Variants in SLC35F3 observed in about 807,000 individuals in gnomAD.
SLC35F3 encodes solute carrier family 35 member F3, also known as putative thiamine transporter SLC35F3.
Under a neutral mutation model 49.9 loss-of-function variants are expected in SLC35F3, and 25 were observed. The observed-to-expected ratio is 0.50, with a 90% CI of 0.37 to 0.70. The LOEUF (loss-of-function observed/expected upper bound fraction) is 0.70. SLC35F3 is among the 30% of genes least tolerant of loss of function. The pLI is 0.00. For missense variants in SLC35F3, 525 were observed against 639.8 expected (o/e 0.82, Z 1.94); for synonymous variants, 275 against 265.4 (o/e 1.04, Z -0.35).
chr1:234,184,581 G>C (rs962107955), intron 2 of SLC35F3, among the ~76,000 whole-genome samples: 1 of 152,150 alleles, frequency 6.6e-6, no homozygotes, highest in Non-Finnish European at 1.5e-5. Context: ...TTTTCTCATA[G>C]AAGGAACGTG....
chr1:234,148,927 A>G (rs998471758), intron 2 of SLC35F3, among the ~76,000 whole-genome samples: 3 of 152,180 alleles, frequency 2.0e-5, no homozygotes, highest in South Asian at 2.1e-4. Flanking sequence ...CTGTGATGGG[A>G]AAACATGTAG....
intron 2 of SLC35F3, among the ~76,000 whole-genome samples, chr1:233,997,953 T>C (rs1422531484): frequency 1.3e-5 from 2 of 152,118 alleles, no homozygotes; most frequent in African/African-American, 4.8e-5. Context: ...GGTTTCACCA[T>C]GTTGGTCAGG....
At chr1:233,976,011 G>A (rs1204292432) in intron 2 of SLC35F3, among the ~76,000 whole-genome samples, 7 of 152,126 alleles carry the variant, frequency 4.6e-5, no homozygotes, top group East Asian at 1.9e-4. Flanking sequence ...ATCCTGAAAC[G>A]TAAGATCATT....
chr1:234,210,907 C>T (rs188200109), intron 2 of SLC35F3, among the ~76,000 whole-genome samples: 1 of 152,328 alleles, frequency 6.6e-6, no homozygotes, highest in African/African-American at 2.4e-5. Flanking sequence ...TGACAGAGGT[C>T]TTCACAACAG....
rs72758212 is a variant in SLC35F3 at position 234,110,558 on chromosome 1, A to G, written c.284-120859A>G. On this transcript the variant is annotated intron_variant, in intron 2 of 7. Transcript: ENST00000366618. ...GGATAAAATTGTGTTTTAAATACAT[A>G]TACAATTAATGCATGAAGAAAACCA... 1.6e-3 allele frequency among the ~76,000 whole-genome samples: 250 copies of G among 152,398 alleles called. 5 individuals carry two copies. Among genetic ancestry groups the G allele is most frequent in the Non-Finnish European group, 1.5e-3 (100 of 68,040 alleles).
At chr1:234,100,970 C>G (rs749614939) in intron 2 of SLC35F3, among the ~76,000 whole-genome samples, 3 of 152,172 alleles carry the variant, frequency 2.0e-5, no homozygotes, top group South Asian at 2.1e-4. Flanking sequence ...ACCCATCACT[C>G]TTCATTTCAC....
At chr1:234,080,634 TATG>T (rs1161230665) in intron 2 of SLC35F3, among the ~76,000 whole-genome samples, 2 of 152,166 alleles carry the variant, frequency 1.3e-5, no homozygotes, top group Admixed American at 6.5e-5. Flanking sequence ...CTGAAAACAT[TATG>T]ATAAGTGAAA....
intron 3 of SLC35F3, among the ~76,000 whole-genome samples, chr1:234,290,371 A>G (rs1174820057): frequency 6.6e-6 from 1 of 152,256 alleles, no homozygotes; most frequent in East Asian, 1.9e-4. Flanking sequence ...ACAGTAAACT[A>G]CAGGTAAGGG....
intron 2 of SLC35F3, among the ~76,000 whole-genome samples, chr1:234,202,933 A>G (rs1383740984): frequency 6.6e-6 from 1 of 152,198 alleles, no homozygotes; most frequent in Admixed American, 6.5e-5. Context: ...TGAAACACCA[A>G]TAGAGAGGGG....
chr1:234,281,589 C>T (rs1035874415), intron 3 of SLC35F3, among the ~76,000 whole-genome samples: 1 of 152,192 alleles, frequency 6.6e-6, no homozygotes, highest in Non-Finnish European at 1.5e-5. Context: ...AGAACAACAA[C>T]AACAAAATAG....
chr1:233,958,433 C>G (rs1229457547), intron 2 of SLC35F3, among the ~76,000 whole-genome samples: 2 of 152,190 alleles, frequency 1.3e-5, no homozygotes, highest in South Asian at 2.1e-4. Context: ...TTTATTGAAT[C>G]AATGAATGAA....
chr1:233,994,516 A>C (rs938412652), intron 2 of SLC35F3, among the ~76,000 whole-genome samples: 18 of 152,154 alleles, frequency 1.2e-4, no homozygotes, highest in African/African-American at 4.1e-4. Context: ...TAAATGCTGG[A>C]TACTGGTTAA....
chr1:233,918,778 T>TTCTCTCTCTCTCTCTTTC (rs2102786225), intron 2 of SLC35F3, among the ~76,000 whole-genome samples: 1 of 144,034 alleles, frequency 6.9e-6, no homozygotes, highest in Admixed American at 6.9e-5. Flanking sequence ...CTCTCTCTCT[T>TTCTCTCTCTCTCTCTTTC]TCTCTCTCTC....
rs1296044553 is a variant in SLC35F3, at chr1:234,027,145, A to T, written c.283+121387A>T. ...GACAGTGAGGATATAGTCTCCAGGA[A>T]ATGAGTTGGTTGTATAACCAGTCAA... On this transcript the variant is annotated intron_variant, in intron 2 of 7. Coordinates refer to ENST00000366618, the MANE Select transcript of SLC35F3 (RefSeq NM_173508.4). The surrounding 1 kb of genome is among the most constrained non-coding windows in gnomAD (Gnocchi z 4.1). 1 of 154,656 alleles carries T rather than the reference A, an allele frequency of 6.5e-6. No homozygotes were observed. Among genetic ancestry groups the T allele is most frequent in the African/African-American group, 2.4e-5 (1 of 41,526 alleles). The allele number at this position is 154,656 out of a possible 1,614,324, so 9.6% of individuals were successfully genotyped here. A position where few individuals can be genotyped will look rare whatever the true frequency, so the allele number is the denominator to read the frequency against.
chr1:234,063,766 G>A (rs1460053499), intron 2 of SLC35F3, among the ~76,000 whole-genome samples: 1 of 152,100 alleles, frequency 6.6e-6, no homozygotes, highest in East Asian at 1.9e-4. Flanking sequence ...CAGTTGTTAT[G>A]GAGGCCTGAA....
At position 233,904,953 on chromosome 1, in the gene SLC35F3, G is replaced by A. The variant is rs1661744789; in HGVS notation, c.-125G>A. The A allele has an allele frequency of 9.0e-6, 10 of 1,110,694 alleles. No homozygotes were observed. Among genetic ancestry groups the A allele is most frequent in the Non-Finnish European group, 1.2e-5 (10 of 803,758 alleles). 68.8% of individuals were successfully genotyped at this position (1,110,694 alleles called of 1,614,324 possible). A position where few individuals can be genotyped will look rare whatever the true frequency, so the allele number is the denominator to read the frequency against. On this transcript the variant is annotated 5_prime_UTR_variant, in exon 1 of 8. Transcript: ENST00000366618. ...CGCACAAAGCGGCCCGGGGCGGCCG[G>A]CGCGGCGCAGACCCTCGGTGGGCAG...
At chr1:234,225,643 G>A (rs1469309796) in intron 2 of SLC35F3, among the ~76,000 whole-genome samples, 1 of 152,162 alleles carries the variant, frequency 6.6e-6, no homozygotes, top group Non-Finnish European at 1.5e-5. Context: ...CAAAGTAGGT[G>A]GTCAAATAAG....
chr1:233,916,720 G>A (rs4920227), intron 2 of SLC35F3, among the ~76,000 whole-genome samples: 141,654 of 152,284 alleles, frequency 0.93, 66,703 homozygotes, highest in East Asian at 1. Flanking sequence ...CTCTCAATAC[G>A]TTGGAGAGTT....
chr1:234,125,453 C>T lies in SLC35F3; in HGVS notation c.284-105964C>T, dbSNP rs567066304. 2.0e-5 allele frequency among the ~76,000 whole-genome samples: 3 copies of T among 152,268 alleles called. No homozygotes were observed. In the South Asian group the frequency reaches 6.2e-4, roughly 32 times the overall value. On this transcript the variant is annotated intron_variant, in intron 2 of 7. Coordinates refer to ENST00000366618, the MANE Select transcript of SLC35F3 (RefSeq NM_173508.4). ...ACGTGGCTGCTCTTGAGTTCACGTA[C>T]TCAAGTATACTCCTCCCCCAGGAGG...
Sources: gnomAD v4.1 joint callset for allele counts (sites outside exome capture counted in the v4.1 genomes callset) on GRCh38, gnomAD v4.1.1 for gene constraint, Gnocchi (gnomAD v3.1) non-coding constraint, MANE v1.5 for transcripts, NCBI Gene and HGNC (gene_info 2026-07-23, HGNC 2026-07-21) for gene names.